The following EVC variants were observed in gnomAD, a reference collection of about 807,000 sequenced individuals.
EVC encodes the protein evC complex member EVC.
In EVC, 116 loss-of-function variants were observed where a neutral mutation model predicts 118.9. The ratio of observed to expected loss-of-function variants is 0.98; its 90% CI spans 0.84 to 1.14. The LOEUF (loss-of-function observed/expected upper bound fraction) is 1.14, where lower values mean the gene tolerates loss of function less well. Ranked by LOEUF, EVC falls within the 50% of genes most tolerant of loss-of-function variation. The probability of loss-of-function intolerance (pLI) is 0.00; values close to 1 mark genes in which losing one functional copy is unlikely to be tolerated. For missense variants in EVC, 1,401 were observed against 1,246.4 expected (o/e 1.12, Z -1.87); for synonymous variants, 619 against 534.7 (o/e 1.16, Z -2.18).
At chr4:5,726,568 CTTT>C (rs34483285) in intron 2 of EVC, among the ~76,000 whole-genome samples, 1 of 134,516 alleles carries the variant, frequency 7.4e-6, no homozygotes, top group African/African-American at 2.8e-5. Flanking sequence ...CTTCTCTTTT[CTTT>C]TTTTTTTTTT....
chr4:5,763,874 C>G (rs986068810), intron 11 of EVC, among the ~76,000 whole-genome samples: 14 of 97,826 alleles, frequency 1.4e-4, no homozygotes, highest in Non-Finnish European at 2.5e-4. Flanking sequence ...TCCTCTTTTC[C>G]TAATTGAATA....
At chr4:5,829,038 T>TCTAGG in the EVC span, among the ~76,000 whole-genome samples, 3 of 138,712 alleles carry the variant, frequency 2.2e-5, no homozygotes, top group African/African-American at 8.8e-5. Flanking sequence ...AATTTTTTTC[T>TCTAGG]CTAGGTTTCT....
chr4:5,806,946 A>C (rs6837272), intron 17 of EVC, among the ~76,000 whole-genome samples: 66,560 of 151,992 alleles, frequency 0.44, 14,796 homozygotes, highest in South Asian at 0.47. Flanking sequence ...TGATGCTCAG[A>C]GTTTTTTCAC....
chr4:5,752,844 G>T lies in EVC; in HGVS notation c.1107G>T (p.Leu369=), dbSNP rs1188916001. 1 of 1,614,194 alleles carries T rather than the reference G, an allele frequency of 6.2e-7. No homozygotes were observed. The highest frequency in any genetic ancestry group is 1.7e-5 in the Admixed American group (1 of 60,032). The change falls in exon 9 of 21, where the codon CTG becomes CTT. Residue 369 remains leucine (L), a synonymous_variant. Transcript: ENST00000264956. Reference sequence around the variant, plus strand: ...TGTGTTTCTTTTTGCAGGACGCCCTGGAGAGGACGATGGGGCGGGCGCACA... The same window carrying T: ...TGTGTTTCTTTTTGCAGGACGCCCTTGAGAGGACGATGGGGCGGGCGCACA... ...DSQELQALDA[L]ERTMGRAHMA... is the part of the protein sequence containing the mutation.
At chr4:5,750,476 T>C (rs1341993141) in intron 8 of EVC, among the ~76,000 whole-genome samples, 1 of 152,204 alleles carries the variant, frequency 6.6e-6, no homozygotes, top group African/African-American at 2.4e-5. Context: ...ATGCTGTTCA[T>C]GGAAACCATA....
At position 5,741,684 on chromosome 4, in the gene EVC, T is replaced by C. The variant is rs1469294299; in HGVS notation, c.703-32T>C. On this transcript the variant is annotated intron_variant, in intron 5 of 20. Transcript: ENST00000264956. The stretch of plus-strand genomic sequence containing the variant: ...GACAAAAATACCATTGATTAAACTT[T>C]TCTTTTGTTATCTTTCCTTTCTTGG... The C allele has an allele frequency of 2.2e-6, 3 of 1,345,122 alleles. No homozygotes were observed. The South Asian group carries it at 3.5e-5, about 16-fold the overall frequency. 83.3% of individuals were successfully genotyped at this position (1,345,122 alleles called of 1,614,324 possible).
At position 5,731,413 on chromosome 4, in the gene EVC, C is replaced by T. The variant is rs760489644; in HGVS notation, c.385-12C>T. 2 of 1,607,716 alleles carry T rather than the reference C, an allele frequency of 1.2e-6. No homozygotes were observed. The highest frequency in any genetic ancestry group is 2.2e-5 in the South Asian group (2 of 90,930). On this transcript the variant is annotated splice_polypyrimidine_tract_variant and intron_variant, in intron 3 of 20. Coordinates refer to ENST00000264956, the MANE Select transcript of EVC (RefSeq NM_153717.3). The surrounding 1 kb of genome is among the most constrained non-coding windows in gnomAD (Gnocchi z 5.6). ...TCACATGGACTGAGTGTGACTCCTA[C>T]TGCCACCCCAGCCTCTGGCCGATGG...
At chr4:5,713,163 G>T (rs1460220733) in intron 1 of EVC, among the ~76,000 whole-genome samples, 1 of 152,218 alleles carries the variant, frequency 6.6e-6, no homozygotes, top group Non-Finnish European at 1.5e-5. Flanking sequence ...AGTTGAGGGT[G>T]ATGGTGGCTC....
chr4:5,721,639 G>A (rs1007656351), intron 2 of EVC, among the ~76,000 whole-genome samples: 4 of 152,050 alleles, frequency 2.6e-5, no homozygotes, highest in African/African-American at 9.7e-5. Flanking sequence ...AGGCTGAGGC[G>A]GGCAGACACT....
intron 11 of EVC, among the ~76,000 whole-genome samples, chr4:5,783,234 G>A (rs1735900238): frequency 6.6e-6 from 1 of 152,106 alleles, no homozygotes; most frequent in South Asian, 2.1e-4. Flanking sequence ...GTGTGCATGT[G>A]TTCCTGTGTG....
At chr4:5,741,066 A>G (rs1216386996) in intron 5 of EVC, among the ~76,000 whole-genome samples, 1 of 152,248 alleles carries the variant, frequency 6.6e-6, no homozygotes, top group Non-Finnish European at 1.5e-5. Flanking sequence ...TGCAGTTACC[A>G]GAAGACCCAG....
intron 11 of EVC, among the ~76,000 whole-genome samples, chr4:5,775,013 G>T (rs1263886854): frequency 6.6e-6 from 1 of 152,092 alleles, no homozygotes; most frequent in Non-Finnish European, 1.5e-5. Context: ...CTAAGCTAAT[G>T]GACCCTGTTG....
chr4:5,767,414 G>A (rs1457045544), intron 11 of EVC, among the ~76,000 whole-genome samples: 3 of 148,978 alleles, frequency 2.0e-5, no homozygotes, highest in Non-Finnish European at 4.5e-5. Context: ...TCCTTGAGCT[G>A]TGGTGGGCTC....
chr4:5,824,183 G>A, the EVC span: 1 of 410,792 alleles, frequency 2.4e-6, no homozygotes, highest in African/African-American at 2.2e-5. Flanking sequence ...CTCCAGAACA[G>A]TGGTCCAGTT....
intron 12 of EVC, among the ~76,000 whole-genome samples, chr4:5,786,428 C>T (rs1711603131): frequency 6.6e-6 from 1 of 152,074 alleles, no homozygotes; most frequent in African/African-American, 2.4e-5. Context: ...TTTTTCTTGG[C>T]ATGTGGGGAA....
chr4:5,825,465 G>A, the EVC span: 1 of 1,541,246 alleles, frequency 6.5e-7, no homozygotes, highest in Non-Finnish European at 8.7e-7. This position sits in a 1 kb window ranked among gnomAD's most constrained non-coding sequence, Gnocchi z 4.4. Flanking sequence ...CTGCAATTGT[G>A]GGGAGCCTGG....
Position 5,754,634 on chromosome 4 carries a change from C to T in EVC, c.1464+701C>T, listed in dbSNP as rs905281314. On this transcript the variant is annotated intron_variant, in intron 10 of 20. Transcript: ENST00000264956. This position sits in a 1 kb window ranked among gnomAD's most constrained non-coding sequence, Gnocchi z 5.8. ...GGGAGAGGACCAGCTTGTCCGTAAC[C>T]GTCTTGCAGGCTGGTTAAGCATTGG... 6.6e-6 allele frequency among the ~76,000 whole-genome samples: 1 copy of T among 152,008 alleles called. No individual in the cohort carries two copies. The highest frequency in any genetic ancestry group is 1.9e-4 in the East Asian group (1 of 5,158).
chr4:5,808,368 A>C, intron 18 of EVC, 41 bp downstream of exon 18: 1 of 1,613,892 alleles, frequency 6.2e-7, no homozygotes, highest in Non-Finnish European at 8.5e-7. Context: ...GCAGTGGTTT[A>C]AAGAGGAGCA....
intron 17 of EVC, among the ~76,000 whole-genome samples, chr4:5,805,843 C>T (rs939819027): frequency 3.2e-4 from 48 of 151,136 alleles, no homozygotes; most frequent in Non-Finnish European, 5.9e-5. Flanking sequence ...GCTGTTGATG[C>T]CCTTCCCTCC....
Sources: allele counts gnomAD v4.1 joint callset (sites outside exome capture counted in the v4.1 genomes callset), GRCh38; gene constraint gnomAD v4.1.1; non-coding constraint Gnocchi (gnomAD v3.1); transcripts MANE v1.5; gene names NCBI Gene and HGNC (gene_info 2026-07-23, HGNC 2026-07-21).